The following MATN2 variants were observed in gnomAD, a reference collection of about 807,000 sequenced individuals.
MATN2 encodes matrilin 2, also known as matrilin-2.
Under a neutral mutation model 103.2 loss-of-function variants are expected in MATN2, and 69 were observed. The ratio of observed to expected loss-of-function variants is 0.67; its 90% CI spans 0.55 to 0.82. MATN2 has a LOEUF of 0.82. Among genes scored for constraint, MATN2 ranks in the 40% least tolerant of loss-of-function variants. The probability of loss-of-function intolerance (pLI) is 0.00; values close to 1 mark genes in which losing one functional copy is unlikely to be tolerated. For missense variants in MATN2, 1,023 were observed against 1,211.5 expected (o/e 0.84, Z 2.31); for synonymous variants, 429 against 450.2 (o/e 0.95, Z 0.60).
chr8:98,001,504 G>A (rs10955139), intron 7 of MATN2, among the ~76,000 whole-genome samples: 6,355 of 129,266 alleles, frequency 0.049, 420 homozygotes, highest in East Asian at 0.31. Flanking sequence ...TCACTCTGTT[G>A]CCCAGGCTGG....
intron 7 of MATN2, among the ~76,000 whole-genome samples, chr8:97,995,864 C>A (rs1367141282): frequency 1.3e-5 from 2 of 152,178 alleles, no homozygotes; most frequent in Non-Finnish European, 2.9e-5. Context: ...CACATTCAAG[C>A]ATTAAATGAA....
chr8:97,925,097 G>A (rs537702635), intron 2 of MATN2, among the ~76,000 whole-genome samples: 13 of 152,258 alleles, frequency 8.5e-5, no homozygotes, highest in Admixed American at 7.8e-4. Context: ...GTACAGCCAC[G>A]TGGTGGAAGA....
At chr8:97,958,572 T>C (rs1182025740) in intron 4 of MATN2, among the ~76,000 whole-genome samples, 1 of 152,198 alleles carries the variant, frequency 6.6e-6, no homozygotes, top group African/African-American at 2.4e-5. Context: ...AAGGTCCTCA[T>C]AGCAAGAGGT....
intron 10 of MATN2, among the ~76,000 whole-genome samples, chr8:98,009,954 G>T (rs954319834): frequency 1.3e-5 from 2 of 152,202 alleles, no homozygotes; most frequent in African/African-American, 4.8e-5. Flanking sequence ...GAGCGTGAAT[G>T]GACAGAGGCC....
In MATN2 at chr8:98,007,071, G is replaced by A. The variant is rs1812996523; in HGVS notation, c.1328-34G>A. The A allele has an allele frequency of 3.8e-6, 6 of 1,571,224 alleles. No individual in the cohort carries two copies. Among genetic ancestry groups the A allele is most frequent in the Admixed American group, 3.7e-5 (2 of 54,270 alleles). ...TTGCTGGTGGGGTATTGCCCCCTCG[G>A]CTCCTCTATGCTTTCGCGTGTGTGA... On this transcript the variant is annotated intron_variant, in intron 8 of 18. Coordinates refer to ENST00000254898, the MANE Select transcript of MATN2 (RefSeq NM_002380.5). This position sits in a 1 kb window ranked among gnomAD's most constrained non-coding sequence, Gnocchi z 4.2.
At chr8:97,885,538 G>T (rs1818394208) in intron 1 of MATN2, among the ~76,000 whole-genome samples, 1 of 152,130 alleles carries the variant, frequency 6.6e-6, no homozygotes, top group Non-Finnish European at 1.5e-5. Context: ...TAAATAGTAA[G>T]TTTAGGATTT....
intron 10 of MATN2, among the ~76,000 whole-genome samples, chr8:98,008,233 TA>T (rs35203972): frequency 1.3e-4 from 19 of 148,614 alleles, no homozygotes; most frequent in African/African-American, 3.5e-4. Flanking sequence ...TTGTCTCAAT[TA>T]AAAAAAAAAA....
chr8:98,032,842 TG>T (rs200970966), intron 16 of MATN2, among the ~76,000 whole-genome samples, 199 bp from the exon 17 acceptor site: 8 of 134,190 alleles, frequency 6.0e-5, no homozygotes, highest in African/African-American at 1.3e-4. Context: ...GTTTTTGTTT[TG>T]TTTTTTGTTG....
chr8:97,899,552 C>T (rs1179556330), intron 2 of MATN2, among the ~76,000 whole-genome samples: 1 of 152,150 alleles, frequency 6.6e-6, no homozygotes, highest in African/African-American at 2.4e-5. Context: ...GCTGTCTTCT[C>T]CCTGTGTCTC....
intron 2 of MATN2, among the ~76,000 whole-genome samples, chr8:97,919,517 C>A (rs1744028258): frequency 1.3e-5 from 2 of 152,190 alleles, no homozygotes; most frequent in Admixed American, 6.5e-5. Context: ...CAGGCATGAG[C>A]CACGATGCCC....
chr8:97,956,090 G>A (rs1479395042), intron 4 of MATN2, among the ~76,000 whole-genome samples: 1 of 152,210 alleles, frequency 6.6e-6, no homozygotes, highest in African/African-American at 2.4e-5. Flanking sequence ...TTACAGCCCT[G>A]GCAGTGTTAC....
At chr8:97,948,478 T>C (rs983743928) in intron 4 of MATN2, among the ~76,000 whole-genome samples, 2 of 152,196 alleles carry the variant, frequency 1.3e-5, no homozygotes, top group Non-Finnish European at 2.9e-5. Context: ...CAAGACAGTG[T>C]GGCATTGGTA....
chr8:97,948,275 T>C (rs1422309257), intron 4 of MATN2, among the ~76,000 whole-genome samples: 1 of 152,192 alleles, frequency 6.6e-6, no homozygotes, highest in African/African-American at 2.4e-5. Context: ...ACTCTGTGTA[T>C]GTCCATGAAT....
At chr8:97,957,754 G>C (rs1313870513) in intron 4 of MATN2, among the ~76,000 whole-genome samples, 1 of 152,230 alleles carries the variant, frequency 6.6e-6, no homozygotes, top group East Asian at 1.9e-4. Context: ...CTTCCCCAGG[G>C]AGGATTGTGG....
At chr8:97,959,389 T>C (rs1811237443) in intron 4 of MATN2, among the ~76,000 whole-genome samples, 1 of 148,266 alleles carries the variant, frequency 6.7e-6, no homozygotes, top group African/African-American at 2.5e-5. Flanking sequence ...GAATATCGTA[T>C]GATTCAGACA....
intron 2 of MATN2, among the ~76,000 whole-genome samples, chr8:97,891,958 C>T (rs933165032): frequency 1.5e-4 from 23 of 151,834 alleles, no homozygotes; most frequent in African/African-American, 4.8e-4. Flanking sequence ...AAAATGAGGC[C>T]GTGCACAGTG....
At position 98,032,076 on chromosome 8, in the gene MATN2, A is replaced by G. The variant is rs1256447781; in HGVS notation, c.2510-170A>G. ...AGAGAATTGCCCTAGAGTGGTCATA[A>G]GTATCATGGTAACCAACTGCTTTTT... On this transcript the variant is annotated intron_variant, in intron 15 of 18. Transcript: ENST00000254898. The G allele has an allele frequency of 5.2e-6, 3 of 572,612 alleles. No homozygotes were observed. In the East Asian group the frequency reaches 8.8e-5, roughly 17 times the overall value. The allele number at this position is 572,612 out of a possible 1,614,324, so 35.5% of individuals were successfully genotyped here.
intron 6 of MATN2, among the ~76,000 whole-genome samples, chr8:97,985,664 C>T (rs1812167511): frequency 6.6e-6 from 1 of 152,166 alleles, no homozygotes; most frequent in Non-Finnish European, 1.5e-5. Flanking sequence ...GAAACTGGTT[C>T]CTATAGAAGT....
At chr8:98,027,002 T>C (rs1482717220) in intron 13 of MATN2, among the ~76,000 whole-genome samples, 1 of 152,122 alleles carries the variant, frequency 6.6e-6, no homozygotes, top group East Asian at 1.9e-4. Context: ...TGAAGAAATC[T>C]CTTTCTCCAT....
Sources: allele counts gnomAD v4.1 joint callset (sites outside exome capture counted in the v4.1 genomes callset), GRCh38; gene constraint gnomAD v4.1.1; non-coding constraint Gnocchi (gnomAD v3.1); transcripts MANE v1.5; gene names NCBI Gene and HGNC (gene_info 2026-07-23, HGNC 2026-07-21).